CALN1: variants seen among roughly 807,000 people sequenced by gnomAD.
CALN1 encodes calneuron 1.
CALN1 carries 17 observed loss-of-function variants against 30.6 expected under a neutral mutation model. That is an observed-to-expected ratio of 0.56 (90% CI 0.38 to 0.83). The LOEUF is 0.83. Among genes scored for constraint, CALN1 ranks in the 40% least tolerant of loss-of-function variants. The pLI, the probability that CALN1 is intolerant of heterozygous loss-of-function variation, is 0.00. For missense variants in CALN1, 291 were observed against 354.9 expected (o/e 0.82, Z 1.45); for synonymous variants, 156 against 131.4 (o/e 1.19, Z -1.28).
intron 5 of CALN1, among the ~76,000 whole-genome samples, chr7:72,018,489 G>T (rs1000521590): frequency 6.6e-6 from 1 of 152,048 alleles, no homozygotes; most frequent in African/African-American, 2.4e-5. Flanking sequence ...CTTGATGAAC[G>T]AAGACTAAGA....
intron 2 of CALN1, among the ~76,000 whole-genome samples, chr7:72,339,982 A>C (rs568025082): frequency 1.3e-5 from 2 of 152,272 alleles, no homozygotes; most frequent in South Asian, 4.1e-4. Context: ...ATAGAATCTA[A>C]ACATAACATC....
At chr7:72,210,971 T>C (rs758827054) in intron 3 of CALN1, among the ~76,000 whole-genome samples, 4 of 151,932 alleles carry the variant, frequency 2.6e-5, no homozygotes, top group Non-Finnish European at 4.4e-5. Context: ...AGGGGGATCC[T>C]TTAACCCAGG....
chr7:71,987,603 C>G (rs989632485), intron 5 of CALN1, among the ~76,000 whole-genome samples: 1 of 152,154 alleles, frequency 6.6e-6, no homozygotes, highest in Non-Finnish European at 1.5e-5. Context: ...GAAAGTGTTA[C>G]GCAACCCCCA....
At chr7:72,206,322 C>A (rs1424583832) in intron 3 of CALN1, among the ~76,000 whole-genome samples, 1 of 152,186 alleles carries the variant, frequency 6.6e-6, no homozygotes, top group Admixed American at 6.5e-5. Flanking sequence ...GTTCTCTGTA[C>A]TTATGACGTC....
intron 2 of CALN1, among the ~76,000 whole-genome samples, chr7:72,314,366 CAT>C (rs371418054): frequency 2.4e-5 from 2 of 81,804 alleles, no homozygotes; most frequent in South Asian, 3.3e-4. Context: ...TATACATATA[CAT>C]ATATACACAT....
At chr7:72,123,592 A>T (rs1476727924) in intron 3 of CALN1, among the ~76,000 whole-genome samples, 2 of 152,216 alleles carry the variant, frequency 1.3e-5, no homozygotes, top group Non-Finnish European at 2.9e-5. Flanking sequence ...TAAATCGTGG[A>T]AAGGATTGAG....
At chr7:72,349,985 CTT>C (rs897185510) in intron 2 of CALN1, among the ~76,000 whole-genome samples, 2 of 152,106 alleles carry the variant, frequency 1.3e-5, no homozygotes, top group African/African-American at 4.8e-5. Flanking sequence ...CTTTTGGCAT[CTT>C]TGTCATTAAA....
At chr7:72,307,846 C>T (rs1217045655) in intron 2 of CALN1, among the ~76,000 whole-genome samples, 3 of 151,758 alleles carry the variant, frequency 2.0e-5, no homozygotes, top group African/African-American at 7.3e-5. Context: ...CTCAGGACAT[C>T]TGCTGGCAAG....
At chr7:72,210,752 A>T (rs1276284639) in intron 3 of CALN1, among the ~76,000 whole-genome samples, 1 of 152,088 alleles carries the variant, frequency 6.6e-6, no homozygotes, top group Non-Finnish European at 1.5e-5. Flanking sequence ...ACACGTCATG[A>T]TTATGGGGAT....
At chr7:72,304,721 T>C (rs1377286045) in intron 2 of CALN1, among the ~76,000 whole-genome samples, 55 of 152,198 alleles carry the variant, frequency 3.6e-4, no homozygotes, top group Admixed American at 3.6e-3. Flanking sequence ...CACAACTATA[T>C]AAATATAATT....
chr7:72,321,185 T>C lies in CALN1; in HGVS notation c.120-42375A>G, dbSNP rs1241251408. Among the ~76,000 whole-genome samples, 4 of 64,790 alleles carry C rather than the reference T, an allele frequency of 6.2e-5. No homozygotes were observed. In the South Asian group the frequency reaches 2.3e-3, roughly 37 times the overall value. The allele number at this position is 64,790 out of a possible 152,430, so 42.5% of individuals were successfully genotyped here. On this transcript the variant is annotated intron_variant, in intron 2 of 6. Coordinates refer to ENST00000395275, the MANE Select transcript of CALN1 (RefSeq NM_031468.4). The stretch of plus-strand genomic sequence containing the variant: ...ATGCACACACCCTGAAAAAGCACTG[T>C]CTATTTGAGTCCTTGAGTTTCGCAT...
rs1005610147 is a variant in CALN1 at position 71,995,144 on chromosome 7, G to A, written c.501+28513C>T. Among the ~76,000 whole-genome samples the A allele has an allele frequency of 5.9e-5, 9 of 152,184 alleles. No homozygotes were observed. The East Asian group carries it at 9.7e-4, about 16-fold the overall frequency. ...TGGGATTACAGGTCTGAGCCACTGC[G>A]CCTGGCGCCCCTTCCTAATTTTTTA... On this transcript the variant is annotated intron_variant, in intron 5 of 6. Coordinates refer to ENST00000395275, the MANE Select transcript of CALN1 (RefSeq NM_031468.4).
intron 5 of CALN1, among the ~76,000 whole-genome samples, chr7:72,000,117 A>G (rs1799453252): frequency 6.6e-6 from 1 of 152,134 alleles, no homozygotes; most frequent in Non-Finnish European, 1.5e-5. Flanking sequence ...TCAAGAAACT[A>G]AAAAAAGAAC....
At chr7:71,994,133 TTA>T (rs887805949) in intron 5 of CALN1, among the ~76,000 whole-genome samples, 20 of 152,146 alleles carry the variant, frequency 1.3e-4, no homozygotes, top group African/African-American at 4.8e-4. Context: ...TTTAAAAATT[TTA>T]TGAGATTAAT....
intron 3 of CALN1, among the ~76,000 whole-genome samples, chr7:72,161,631 G>T (rs1039484727): frequency 3.9e-5 from 6 of 152,096 alleles, no homozygotes; most frequent in Non-Finnish European, 7.3e-5. Context: ...GTAGAATGCT[G>T]GGCAAAGAAG....
chr7:72,177,525 G>A (rs992800104), intron 3 of CALN1, among the ~76,000 whole-genome samples: 3 of 152,156 alleles, frequency 2.0e-5, no homozygotes, highest in Non-Finnish European at 2.9e-5. Context: ...AGCACTTGGG[G>A]AGGCTGAGAA....
intron 3 of CALN1, among the ~76,000 whole-genome samples, chr7:72,141,672 G>A (rs1011289209): frequency 1.3e-5 from 2 of 151,952 alleles, no homozygotes; most frequent in Non-Finnish European, 1.5e-5. Context: ...GGGTTCAAGC[G>A]ATTCTCCTGC....
At chr7:72,191,430 C>A (rs1024288166) in intron 3 of CALN1, among the ~76,000 whole-genome samples, 1 of 151,626 alleles carries the variant, frequency 6.6e-6, no homozygotes, top group Admixed American at 6.6e-5. Context: ...AGTGAAACCC[C>A]GTCTGTAGTA....
chr7:71,929,179 ATAGT>A (rs1472409220), intron 5 of CALN1, among the ~76,000 whole-genome samples: 6 of 152,180 alleles, frequency 3.9e-5, no homozygotes, highest in African/African-American at 1.4e-4. Context: ...GGTTTGTTAC[ATAGT>A]TAAACACGTG....
Sources: allele counts gnomAD v4.1 joint callset (sites outside exome capture counted in the v4.1 genomes callset), GRCh38; gene constraint gnomAD v4.1.1; transcripts MANE v1.5; gene names NCBI Gene and HGNC (gene_info 2026-07-23, HGNC 2026-07-21).